The following UST variants were observed in gnomAD, a reference collection of about 807,000 sequenced individuals.
UST encodes the protein uronyl 2-sulfotransferase.
A neutral mutation model predicts 45.6 loss-of-function variants in UST; 21 were observed. That is an observed-to-expected ratio of 0.46 (90% CI 0.33 to 0.66). The LOEUF is 0.66. Among genes scored for constraint, UST ranks in the 30% least tolerant of loss-of-function variants. The pLI, the probability that UST is intolerant of heterozygous loss-of-function variation, is 0.02. For synonymous variants in UST, 215 were observed against 200.6 expected (o/e 1.07, Z -0.61); for missense variants, 463 against 512.4 (o/e 0.90, Z 0.93).
At chr6:148,979,970 CTCTT>C (rs781417715) in intron 5 of UST, among the ~76,000 whole-genome samples, 3 of 152,112 alleles carry the variant, frequency 2.0e-5, no homozygotes, top group Non-Finnish European at 4.4e-5. Context: ...GCTCGAGTAA[CTCTT>C]TGTTTGGAAT....
intron 5 of UST, among the ~76,000 whole-genome samples, chr6:148,968,407 A>G (rs992273739): frequency 1.3e-5 from 2 of 152,244 alleles, no homozygotes; most frequent in Admixed American, 1.3e-4. Flanking sequence ...TAGCAGCCAT[A>G]CTGTGAAAAG....
intron 1 of UST, among the ~76,000 whole-genome samples, chr6:148,864,773 G>A (rs1778394034): frequency 6.6e-6 from 1 of 152,178 alleles, no homozygotes; most frequent in Non-Finnish European, 1.5e-5. Flanking sequence ...AGTAAAGGGA[G>A]GAATTGTAAC....
At chr6:148,872,271 T>A (rs754567999) in intron 1 of UST, among the ~76,000 whole-genome samples, 2 of 152,208 alleles carry the variant, frequency 1.3e-5, no homozygotes, top group East Asian at 3.8e-4. Flanking sequence ...ATTTTGATGG[T>A]ACACTGAAGT....
At chr6:149,058,344 CATGTGT>C (rs748105222) in intron 7 of UST, among the ~76,000 whole-genome samples, 1,512 of 126,694 alleles carry the variant, frequency 0.012, 16 homozygotes, top group African/African-American at 0.02. Flanking sequence ...AAAGGAGGAG[CATGTGT>C]GTGTGTGTGT....
rs978427605 is a variant in UST, at chr6:148,909,813, C to G, written c.291+22784C>G. Among the ~76,000 whole-genome samples the G allele has an allele frequency of 3.9e-5, 6 of 152,254 alleles. No individual in the cohort carries two copies. In the South Asian group the frequency reaches 8.3e-4, roughly 21 times the overall value. On this transcript the variant is annotated intron_variant, in intron 2 of 7. Transcript: ENST00000367463. ...GCAATTCCTCAAGCACTGTCCCCCC[C>G]GCCACAGCAAAAATGATGGCAGATA...
intron 7 of UST, among the ~76,000 whole-genome samples, chr6:149,059,339 C>T (rs1323245935): frequency 6.6e-6 from 1 of 152,208 alleles, no homozygotes; most frequent in African/African-American, 2.4e-5. Context: ...CGGGCCCTTC[C>T]GGTGATTTGT....
At chr6:149,056,117 C>CTTTTTTTTTTTTTTTTTTTTTTTTTT (rs34191810) in intron 7 of UST, among the ~76,000 whole-genome samples, 1 of 81,088 alleles carries the variant, frequency 1.2e-5, no homozygotes, top group African/African-American at 5.1e-5. Flanking sequence ...CTTTTCTTTT[C>CTTTTTTTTTTTTTTTTTTTTTTTTTT]TTTTTTTTTT....
intron 1 of UST, among the ~76,000 whole-genome samples, chr6:148,804,711 A>G (rs796961312): frequency 9.9e-5 from 15 of 152,214 alleles, no homozygotes; most frequent in African/African-American, 3.1e-4. Flanking sequence ...GTGATTTCAT[A>G]TTATTTTGAA....
intron 7 of UST, among the ~76,000 whole-genome samples, chr6:149,063,097 G>A (rs372565075): frequency 2.3e-4 from 35 of 152,262 alleles, no homozygotes; most frequent in African/African-American, 5.3e-4. Flanking sequence ...ACTCAGGACC[G>A]TAACTACTCT....
intron 1 of UST, among the ~76,000 whole-genome samples, chr6:148,848,531 T>A (rs1778040497): frequency 6.6e-6 from 1 of 151,614 alleles, no homozygotes; most frequent in African/African-American, 2.4e-5. Flanking sequence ...ATTAGCTGGG[T>A]GTGGTGATGC....
intron 7 of UST, chr6:149,027,802 A>C (rs1041119016): frequency 1.3e-5 from 2 of 151,346 alleles, no homozygotes; most frequent in Non-Finnish European, 2.9e-5. Context: ...ACAGTATGTC[A>C]TAATGCAGTC....
intron 2 of UST, among the ~76,000 whole-genome samples, chr6:148,895,411 A>C (rs1045894730): frequency 1.7e-4 from 26 of 152,206 alleles, no homozygotes; most frequent in African/African-American, 6.3e-4. Context: ...ACAGAGGGAC[A>C]TGAGAGCAAC....
intron 2 of UST, among the ~76,000 whole-genome samples, chr6:148,902,336 C>G (rs540506814): frequency 5.3e-5 from 8 of 152,154 alleles, no homozygotes; most frequent in Admixed American, 2.0e-4. Context: ...AAGTGATCTT[C>G]CCACCTCAGC....
rs768437031 is a variant in UST at position 148,747,548 on chromosome 6, T to C, written c.118T>C (p.Phe40Leu). 2 of 1,565,334 alleles carry C rather than the reference T, an allele frequency of 1.3e-6. No homozygotes were observed. The highest frequency in any genetic ancestry group is 2.7e-5 in the African/African-American group (2 of 72,804). The part of the protein sequence containing the change: ...SWKRRVPLLP[F>L]LRFSLRDYGF... ...GAAGCGTCGGGTGCCCCTGCTGCCT[T>C]TCCTGCGCTTCTCCCTCCGGGACTA... The change falls in exon 1 of 8, where the codon TTC (phenylalanine) becomes CTC (leucine). Residue 40 changes from phenylalanine (F) to leucine (L), a missense_variant. Physicochemically the swap from Phe to Leu is conservative, Grantham distance 22 (BLOSUM62 0). Transcript: ENST00000367463.
At chr6:149,039,832 T>C (rs1166352345) in intron 7 of UST, among the ~76,000 whole-genome samples, 1 of 152,362 alleles carries the variant, frequency 6.6e-6, no homozygotes, top group East Asian at 1.9e-4. Flanking sequence ...CTCTTTTTTT[T>C]GGCAGTTAAC....
chr6:148,918,070 A>G (rs1779623721), intron 2 of UST, among the ~76,000 whole-genome samples: 1 of 152,248 alleles, frequency 6.6e-6, no homozygotes, highest in African/African-American at 2.4e-5. Context: ...GATGACCTTA[A>G]GAATGAAACC....
At chr6:148,784,582 A>G (rs1001417314) in intron 1 of UST, among the ~76,000 whole-genome samples, 28 of 152,240 alleles carry the variant, frequency 1.8e-4, no homozygotes, top group African/African-American at 6.8e-4. Context: ...GGTGGCAATC[A>G]GAGTATTAAT....
chr6:149,046,919 G>A (rs572745043), intron 7 of UST, among the ~76,000 whole-genome samples: 1 of 152,198 alleles, frequency 6.6e-6, no homozygotes, highest in Admixed American at 6.5e-5. Flanking sequence ...TTTTCTGGTG[G>A]CAGTAGAATT....
intron 5 of UST, among the ~76,000 whole-genome samples, chr6:148,976,103 T>G (rs1781011409): frequency 6.6e-6 from 1 of 152,202 alleles, no homozygotes; most frequent in Non-Finnish European, 1.5e-5. Flanking sequence ...AATTCCCCAT[T>G]GAAAAATTAC....
Sources: gnomAD v4.1 joint callset for allele counts (sites outside exome capture counted in the v4.1 genomes callset) on GRCh38, gnomAD v4.1.1 for gene constraint, MANE v1.5 for transcripts, NCBI Gene and HGNC (gene_info 2026-07-23, HGNC 2026-07-21) for gene names.